Variants in FRAS1 observed in about 807,000 individuals in gnomAD.
FRAS1 encodes the protein extracellular matrix organizing protein FRAS1.
FRAS1 carries 290 observed loss-of-function variants against 435.2 expected under a neutral mutation model. That is an observed-to-expected ratio of 0.67 (90% CI 0.61 to 0.73). The LOEUF is 0.73. FRAS1 is among the 30% of genes least tolerant of loss of function. FRAS1 has a pLI of 0.00. For missense variants in FRAS1, 4,860 were observed against 5,001.5 expected, an observed-to-expected ratio of 0.97 and a Z score of 0.85; for synonymous variants, 1,800 against 1,851.0, an observed-to-expected ratio of 0.97 and a Z score of 0.71.
At chr4:78,368,096 A>G (rs965887199) in intron 22 of FRAS1, among the ~76,000 whole-genome samples, 1 of 151,910 alleles carries the variant, frequency 6.6e-6, no homozygotes, top group East Asian at 1.9e-4. Context: ...TGGAATCTCT[A>G]TCAAACACTT....
In FRAS1 at chr4:78,188,799, A is replaced by G. The variant is rs185721459; in HGVS notation, c.109-48711A>G. 2.4e-3 allele frequency among the ~76,000 whole-genome samples: 366 copies of G among 152,336 alleles called. 2 individuals are homozygous for G. Among genetic ancestry groups the G allele is most frequent in the Admixed American group, 7.2e-3 (110 of 15,294 alleles). ...GTATTTTTCTAATGAAGGGTCACCA[A>G]TACCATAATCACTGGTTTAGTCCTT... On this transcript the variant is annotated intron_variant, in intron 2 of 73. Transcript: ENST00000512123.
At chr4:78,251,565 A>G (rs765332085) in intron 4 of FRAS1, among the ~76,000 whole-genome samples, 4 of 151,698 alleles carry the variant, frequency 2.6e-5, no homozygotes, top group African/African-American at 9.8e-5. Flanking sequence ...GCCTTGGCCA[A>G]CATCTCCCTA....
chr4:78,428,733 A>C lies in FRAS1; in HGVS notation c.4712-362A>C, dbSNP rs934120327. Among the ~76,000 whole-genome samples the C allele has an allele frequency of 4.9e-4, 75 of 152,212 alleles. 1 individual carries two copies. The highest frequency in any genetic ancestry group is 1.9e-4 in the Non-Finnish European group (13 of 68,024). On this transcript the variant is annotated intron_variant, in intron 35 of 73. Transcript: ENST00000512123. ...ATGAATTGAATCAAGAAATATTTCC[A>C]TAATCAAAAGCCTTTACCAGTAGCA...
intron 30 of FRAS1, among the ~76,000 whole-genome samples, chr4:78,402,175 T>A (rs944167360): frequency 3.9e-5 from 6 of 152,134 alleles, no homozygotes; most frequent in Non-Finnish European, 8.8e-5. Flanking sequence ...GTAGATTTTT[T>A]AAAATAACTA....
intron 2 of FRAS1, among the ~76,000 whole-genome samples, chr4:78,123,888 G>A (rs1719178725): frequency 6.6e-6 from 1 of 152,118 alleles, no homozygotes; most frequent in South Asian, 2.1e-4. Flanking sequence ...TGAGACGATG[G>A]GGTTTTTTAA....
At chr4:78,449,615 C>T (rs904593844) in intron 44 of FRAS1, among the ~76,000 whole-genome samples, 1 of 152,176 alleles carries the variant, frequency 6.6e-6, no homozygotes, top group Non-Finnish European at 1.5e-5. Flanking sequence ...TCATCCCCAA[C>T]ACCTGCGCAG....
intron 2 of FRAS1, among the ~76,000 whole-genome samples, chr4:78,224,253 G>A (rs190007716): frequency 1.3e-5 from 2 of 152,330 alleles, no homozygotes; most frequent in East Asian, 3.9e-4. Flanking sequence ...TTGAAAGATC[G>A]TGGTCCTTGA....
At chr4:78,113,070 A>G (rs1286125681) in intron 2 of FRAS1, among the ~76,000 whole-genome samples, 1 of 152,158 alleles carries the variant, frequency 6.6e-6, no homozygotes, top group Non-Finnish European at 1.5e-5. Flanking sequence ...GAGTGAGAAC[A>G]TGCGGTGTTT....
intron 2 of FRAS1, among the ~76,000 whole-genome samples, chr4:78,128,718 G>T (rs1719517013): frequency 6.6e-6 from 1 of 152,176 alleles, no homozygotes; most frequent in African/African-American, 2.4e-5. Context: ...TGTTCGCTCT[G>T]ATGGTAGTTT....
chr4:78,357,126 C>T (rs1324810083), intron 20 of FRAS1, among the ~76,000 whole-genome samples: 2 of 152,194 alleles, frequency 1.3e-5, no homozygotes, highest in African/African-American at 2.4e-5. Context: ...CAAACATTCT[C>T]CCCCTGCCCT....
At chr4:78,190,221 G>T (rs1211244239) in intron 2 of FRAS1, among the ~76,000 whole-genome samples, 1 of 152,086 alleles carries the variant, frequency 6.6e-6, no homozygotes, top group Non-Finnish European at 1.5e-5. Flanking sequence ...CAGTACAGCC[G>T]CTGTGACTTC....
chr4:78,306,681 A>C (rs1443554502), intron 14 of FRAS1, among the ~76,000 whole-genome samples: 1 of 148,344 alleles, frequency 6.7e-6, no homozygotes, highest in Non-Finnish European at 1.5e-5. Flanking sequence ...TGCATTCTTC[A>C]CGTAGTTCTC....
At chr4:78,242,985 A>G (rs1030667025) in intron 3 of FRAS1, among the ~76,000 whole-genome samples, 11 of 152,204 alleles carry the variant, frequency 7.2e-5, no homozygotes, top group African/African-American at 2.7e-4. Flanking sequence ...GAGAGAAAGA[A>G]CACAAAGGTA....
chr4:78,339,098 T>G (rs563402033), intron 20 of FRAS1, among the ~76,000 whole-genome samples: 1 of 152,214 alleles, frequency 6.6e-6, no homozygotes, highest in African/African-American at 2.4e-5. Context: ...GTGAGTCTAT[T>G]GCTAGTGATG....
intron 4 of FRAS1, among the ~76,000 whole-genome samples, chr4:78,248,695 T>G (rs1743211342): frequency 3.3e-5 from 5 of 152,178 alleles, no homozygotes; most frequent in Admixed American, 3.3e-4. Flanking sequence ...TATAACTCCA[T>G]AACAGGAACA....
At chr4:78,104,237 T>C (rs1051749516) in intron 2 of FRAS1, among the ~76,000 whole-genome samples, 1 of 152,244 alleles carries the variant, frequency 6.6e-6, no homozygotes, top group Non-Finnish European at 1.5e-5. Flanking sequence ...TAATTTCACA[T>C]GAACCAAGTT....
intron 70 of FRAS1, among the ~76,000 whole-genome samples, chr4:78,533,904 GAAC>G (rs1234927911): frequency 6.6e-6 from 1 of 152,164 alleles, no homozygotes; most frequent in Non-Finnish European, 1.5e-5. Context: ...TATTGAGGGA[GAAC>G]AATAAGGGTC....
intron 2 of FRAS1, among the ~76,000 whole-genome samples, chr4:78,175,111 C>T (rs1400607907): frequency 2.0e-5 from 3 of 152,200 alleles, no homozygotes; most frequent in Admixed American, 6.5e-5. Flanking sequence ...TCTCCACCGG[C>T]CCCATCCGGA....
chr4:78,431,551 A>T (rs191440662), intron 37 of FRAS1, among the ~76,000 whole-genome samples: 1 of 152,314 alleles, frequency 6.6e-6, no homozygotes, highest in Admixed American at 6.5e-5. Context: ...TAGTTATTAG[A>T]ACTAATAATC....
Sources: gnomAD v4.1 joint callset for allele counts (sites outside exome capture counted in the v4.1 genomes callset) on GRCh38, gnomAD v4.1.1 for gene constraint, MANE v1.5 for transcripts, NCBI Gene and HGNC (gene_info 2026-07-23, HGNC 2026-07-21) for gene names.